The following TNFSF11 variants were observed in gnomAD, a reference collection of about 807,000 sequenced individuals.
TNFSF11 encodes the protein TNF superfamily member 11, also known as tumor necrosis factor ligand superfamily member 11.
In TNFSF11, 12 loss-of-function variants were observed where a neutral mutation model predicts 32.2. The observed-to-expected ratio is 0.37, with a 90% CI of 0.24 to 0.60. The LOEUF is 0.60. Ranked by LOEUF, TNFSF11 falls within the 20% of genes least tolerant of loss-of-function variation. The probability of loss-of-function intolerance (pLI) is 0.66; values close to 1 mark genes in which losing one functional copy is unlikely to be tolerated. For missense variants in TNFSF11, 345 were observed against 398.0 expected (o/e 0.87, Z 1.13); for synonymous variants, 172 against 152.1 (o/e 1.13, Z -0.96).
upstream of TNFSF11, among the ~76,000 whole-genome samples, chr13:42,570,417 A>G (rs896103779): frequency 6.6e-5 from 10 of 152,208 alleles, no homozygotes; most frequent in Admixed American, 5.9e-4. Context: ...AAATAATTCT[A>G]TGTTAATACA....
rs1165212238 is a variant in TNFSF11 at position 42,607,244 on chromosome 13, T to C, written c.*326T>C. 7.7e-6 allele frequency: 2 copies of C among 259,262 alleles called. No homozygotes were observed. The highest frequency in any genetic ancestry group is 4.5e-5 in the African/African-American group (2 of 44,234). The allele number at this position is 259,262 out of a possible 1,614,324, so 16.1% of individuals were successfully genotyped here. A position where few individuals can be genotyped will look rare whatever the true frequency, so the allele number is the denominator to read the frequency against. On this transcript the variant is annotated 3_prime_UTR_variant, in exon 5 of 5. Coordinates refer to ENST00000398795, the MANE Select transcript of TNFSF11 (RefSeq NM_003701.4). ...GGTTGGTCCCTGGTCATGTGCCCCT[T>C]CGCAGCTGAAGTGGAGAGGGTGTCA... is the stretch of plus-strand genomic sequence containing the variant.
chr13:42,577,604 A>G (rs2050657197), intron 1 of TNFSF11, among the ~76,000 whole-genome samples: 1 of 152,198 alleles, frequency 6.6e-6, no homozygotes, highest in Non-Finnish European at 1.5e-5. Flanking sequence ...GGGTTTAGCT[A>G]TAAAGATAAA....
chr13:42,591,825 T>C (rs1352255220), intron 2 of TNFSF11, among the ~76,000 whole-genome samples: 2 of 152,170 alleles, frequency 1.3e-5, no homozygotes, highest in Admixed American at 6.5e-5. Flanking sequence ...AATAAGAGCG[T>C]TGCAATTAAG....
intron 4 of TNFSF11, 36 bp from the exon 5 acceptor site, chr13:42,606,461 A>G: frequency 6.2e-7 from 1 of 1,613,572 alleles, no homozygotes; most frequent in Non-Finnish European, 8.5e-7. Flanking sequence ...TCATTTAAGG[A>G]CTGACTTTCA....
At chr13:42,602,631 C>T (rs1869240744) in intron 4 of TNFSF11, among the ~76,000 whole-genome samples, 2 of 152,206 alleles carry the variant, frequency 1.3e-5, no homozygotes, top group Admixed American at 6.5e-5. Context: ...TGGAGCTACA[C>T]TAATTTTCTC....
chr13:42,592,524 T>A (rs1303305287), intron 2 of TNFSF11, among the ~76,000 whole-genome samples: 1 of 152,168 alleles, frequency 6.6e-6, no homozygotes, highest in Non-Finnish European at 1.5e-5. Flanking sequence ...ACCTGGCATG[T>A]TCACCTGCTA....
At chr13:42,590,852 C>T (rs1316537980) in intron 2 of TNFSF11, among the ~76,000 whole-genome samples, 1 of 152,228 alleles carries the variant, frequency 6.6e-6, no homozygotes, top group Non-Finnish European at 1.5e-5. Flanking sequence ...AACTAATTTT[C>T]TATTCCCAGC....
intron 1 of TNFSF11, among the ~76,000 whole-genome samples, chr13:42,579,089 C>A: frequency 6.6e-6 from 1 of 152,060 alleles, no homozygotes; most frequent in East Asian, 1.9e-4. Flanking sequence ...CATTGGACTA[C>A]CCTGAGTATC....
chr13:42,565,818 G>A (rs1275110352), intron 1 of TNFSF11, among the ~76,000 whole-genome samples: 2 of 152,186 alleles, frequency 1.3e-5, no homozygotes, highest in Admixed American at 6.5e-5. Context: ...ATGGGTTTAA[G>A]TGAGAGGAGA....
Position 42,580,964 on chromosome 13 carries a change from T to G in TNFSF11, c.220-162T>G, listed in dbSNP as rs1271659931. Among the ~76,000 whole-genome samples, 3 of 152,210 alleles carry G rather than the reference T, an allele frequency of 2.0e-5. No homozygotes were observed. In the East Asian group the frequency reaches 5.8e-4, roughly 29 times the overall value. ...GTTACTCGTTCAAATGAATTAGAAG[T>G]CAACGTTTTCACCATCTTGAGGTTC... is the stretch of plus-strand genomic sequence containing the variant. On this transcript the variant is annotated intron_variant, in intron 1 of 4. Coordinates refer to ENST00000398795, the MANE Select transcript of TNFSF11 (RefSeq NM_003701.4).
intron 1 of TNFSF11, among the ~76,000 whole-genome samples, chr13:42,563,594 C>T (rs527976561): frequency 2.0e-5 from 3 of 149,784 alleles, no homozygotes; most frequent in South Asian, 2.1e-4. Flanking sequence ...ACCCAGGAGG[C>T]GGAGGTTGCA....
At chr13:42,602,792 C>G (rs1308448081) in intron 4 of TNFSF11, among the ~76,000 whole-genome samples, 1 of 152,204 alleles carries the variant, frequency 6.6e-6, no homozygotes, top group Non-Finnish European at 1.5e-5. Context: ...TATTAATGTT[C>G]CCTACATTTA....
At chr13:42,592,233 C>G (rs78205134) in intron 2 of TNFSF11, among the ~76,000 whole-genome samples, 1,989 of 152,304 alleles carry the variant, frequency 0.013, 14 homozygotes, top group South Asian at 0.035. Flanking sequence ...CTCAGCCCCA[C>G]AAGACTGTCC....
Position 42,600,962 on chromosome 13 carries a change from T to G in TNFSF11, c.513T>G (p.Asn171Lys). ...AGCCTTTTGCTCATCTCACTATTAA[T>G]GCCACCGACATCCCATCTGGTAAGC... ...EAQPFAHLTI[N>K]ATDIPSGSHK... Residue 171 changes from asparagine to lysine, a missense_variant, in exon 4 of 5, where the codon AAT (asparagine) becomes AAG (lysine). Coordinates refer to ENST00000398795, the MANE Select transcript of TNFSF11 (RefSeq NM_003701.4). 1 of 1,614,142 alleles carries G rather than the reference T, an allele frequency of 6.2e-7. No homozygotes were observed. Among genetic ancestry groups the G allele is most frequent in the South Asian group, 1.1e-5 (1 of 91,080 alleles).
intron 4 of TNFSF11, among the ~76,000 whole-genome samples, chr13:42,604,629 C>G (rs1869351867): frequency 6.6e-6 from 1 of 152,230 alleles, no homozygotes; most frequent in South Asian, 2.1e-4. Flanking sequence ...TTTGAGGCTC[C>G]CAGATCATAT....
At chr13:42,592,338 C>T (rs938422504) in intron 2 of TNFSF11, among the ~76,000 whole-genome samples, 4 of 152,166 alleles carry the variant, frequency 2.6e-5, no homozygotes, top group African/African-American at 4.8e-5. Flanking sequence ...TACTCAGGTT[C>T]GGTAATATTC....
chr13:42,606,468 T>TTCAAA, intron 4 of TNFSF11, 29 bp from the exon 5 acceptor site: 1 of 1,614,172 alleles, frequency 6.2e-7, no homozygotes, highest in Non-Finnish European at 8.5e-7. Context: ...AGGACTGACT[T>TTCAAA]TCAAATCTTA....
intron 1 of TNFSF11, among the ~76,000 whole-genome samples, chr13:42,574,785 T>A (rs1873226185): frequency 6.6e-6 from 1 of 152,086 alleles, no homozygotes; most frequent in African/African-American, 2.4e-5. Flanking sequence ...GGACGATGGG[T>A]TTGAATCTCA....
intron 4 of TNFSF11, among the ~76,000 whole-genome samples, chr13:42,603,717 C>T (rs1271265810): frequency 6.6e-6 from 1 of 152,144 alleles, no homozygotes; most frequent in Middle Eastern, 3.2e-3. Context: ...TTGCTTGTAA[C>T]TGAATGTCAA....
Sources: gnomAD v4.1 joint callset for allele counts (sites outside exome capture counted in the v4.1 genomes callset) on GRCh38, gnomAD v4.1.1 for gene constraint, MANE v1.5 for transcripts, NCBI Gene and HGNC (gene_info 2026-07-23, HGNC 2026-07-21) for gene names.